The following KCNIP4 variants were observed in gnomAD, a reference collection of about 807,000 sequenced individuals.
KCNIP4 encodes the protein potassium voltage-gated channel interacting protein 4, also known as Kv channel-interacting protein 4.
A neutral mutation model predicts 34.0 loss-of-function variants in KCNIP4; 12 were observed. That is an observed-to-expected ratio of 0.35 (90% CI 0.23 to 0.57). The LOEUF (loss-of-function observed/expected upper bound fraction) is 0.57. KCNIP4 is among the 20% of genes least tolerant of loss of function. The pLI, the probability that KCNIP4 is intolerant of heterozygous loss-of-function variation, is 0.83. For missense variants in KCNIP4, 238 were observed against 311.7 expected (o/e 0.76, Z 1.78); for synonymous variants, 124 against 102.2 (o/e 1.21, Z -1.29).
intron 1 of KCNIP4, among the ~76,000 whole-genome samples, chr4:21,246,134 G>A (rs1456657720): frequency 1.3e-5 from 2 of 152,102 alleles, no homozygotes; most frequent in African/African-American, 2.4e-5. Context: ...CTACAGATGG[G>A]TCACAGTCAC....
chr4:20,881,828 T>C (rs913308516), intron 2 of KCNIP4, among the ~76,000 whole-genome samples: 12 of 152,198 alleles, frequency 7.9e-5, no homozygotes, highest in Admixed American at 7.9e-4. Context: ...TAGATTACCC[T>C]GAATAATGTG....
chr4:20,960,977 A>G (rs1733794569), intron 1 of KCNIP4, among the ~76,000 whole-genome samples: 1 of 152,156 alleles, frequency 6.6e-6, no homozygotes, highest in Non-Finnish European at 1.5e-5. Context: ...TGCATTTTGC[A>G]CTTTGGTGTA....
At chr4:21,796,596 C>T (rs1259995482) in intron 1 of KCNIP4, among the ~76,000 whole-genome samples, 2 of 152,174 alleles carry the variant, frequency 1.3e-5, no homozygotes, top group Admixed American at 6.5e-5. Context: ...TTCTTAAAAG[C>T]GTTCACCTAA....
chr4:21,582,006 AAGAATAGAAT>A (rs1170134097), intron 1 of KCNIP4: 3 of 96,576 alleles, frequency 3.1e-5, no homozygotes, highest in South Asian at 6.5e-4. Flanking sequence ...TAGGGCATAG[AAGAATAGAAT>A]AGAATAGAAT....
Position 21,302,000 on chromosome 4 carries a change from A to G in KCNIP4, c.62-419291T>C, listed in dbSNP as rs28608932. On this transcript the variant is annotated intron_variant, in intron 1 of 8. Coordinates refer to ENST00000382152, the MANE Select transcript of KCNIP4 (RefSeq NM_025221.6). ...ATTTTACTATTTATAATTACTTCCT[A>G]ACAATCACTGGAAATCATATATGAA... Among the ~76,000 whole-genome samples the G allele has an allele frequency of 9.2e-3, 1,408 of 152,242 alleles. 18 individuals are homozygous for G. Among genetic ancestry groups the G allele is most frequent in the African/African-American group, 0.032 (1,321 of 41,532 alleles).
chr4:21,081,539 A>G (rs1371770792), intron 1 of KCNIP4, among the ~76,000 whole-genome samples: 1 of 151,826 alleles, frequency 6.6e-6, no homozygotes, highest in African/African-American at 2.4e-5. Context: ...CTATAGAAGA[A>G]GAAATTATTT....
At chr4:21,451,385 C>A (rs1728495287) in intron 1 of KCNIP4, among the ~76,000 whole-genome samples, 2 of 152,062 alleles carry the variant, frequency 1.3e-5, no homozygotes, top group Non-Finnish European at 2.9e-5. Context: ...TATCCCAATG[C>A]AAGTGAATCC....
At chr4:21,668,941 G>T (rs1180378941) in intron 1 of KCNIP4, among the ~76,000 whole-genome samples, 1 of 151,980 alleles carries the variant, frequency 6.6e-6, no homozygotes, top group Non-Finnish European at 1.5e-5. Flanking sequence ...TGCCTCTCCC[G>T]TCTCTCCTTC....
intron 3 of KCNIP4, among the ~76,000 whole-genome samples, chr4:20,796,650 T>C (rs1385321416): frequency 6.6e-6 from 1 of 151,916 alleles, no homozygotes; most frequent in East Asian, 1.9e-4. Flanking sequence ...AGAATCACTT[T>C]TGTTTTGAAG....
chr4:21,655,305 CA>C, intron 1 of KCNIP4, among the ~76,000 whole-genome samples: 1 of 152,000 alleles, frequency 6.6e-6, no homozygotes, highest in East Asian at 1.9e-4. Flanking sequence ...CAATGCAAGC[CA>C]AAGAACTAAT....
intron 1 of KCNIP4, among the ~76,000 whole-genome samples, chr4:20,942,157 C>T (rs768363938): frequency 9.2e-5 from 14 of 152,186 alleles, no homozygotes; most frequent in African/African-American, 1.7e-4. Context: ...ATAATGGAAA[C>T]GTTTGGCTGG....
At chr4:21,917,822 A>G (rs1468391360) in intron 1 of KCNIP4, among the ~76,000 whole-genome samples, 2 of 152,210 alleles carry the variant, frequency 1.3e-5, no homozygotes, top group Non-Finnish European at 2.9e-5. Context: ...AAGACGAATG[A>G]GTACTGGATT....
chr4:21,181,365 C>T, intron 1 of KCNIP4, among the ~76,000 whole-genome samples: 1 of 152,078 alleles, frequency 6.6e-6, no homozygotes, highest in Non-Finnish European at 1.5e-5. Context: ...GCTGCAGCTT[C>T]TCTTAAGGCT....
At chr4:20,997,634 G>GGCT (rs1331027707) in intron 1 of KCNIP4, among the ~76,000 whole-genome samples, 2 of 152,192 alleles carry the variant, frequency 1.3e-5, no homozygotes, top group African/African-American at 4.8e-5. Flanking sequence ...TACCTGAGAG[G>GGCT]GCTGCCCTTA....
In KCNIP4 at chr4:20,729,942, C is replaced by CTTTATATTAA; in HGVS notation, c.*130_*139dup. On this transcript the variant is annotated 3_prime_UTR_variant, in exon 9 of 9. Transcript: ENST00000382152. ...GAAAGCTCAAATCTTTTGGGGATTG[C>CTTTATATTAA]TTTATATTAAAACAAAGCTTGTTTG... 1 of 984,008 alleles carries CTTTATATTAA rather than the reference C, an allele frequency of 1.0e-6. No homozygotes were observed. The highest frequency in any genetic ancestry group is 1.4e-6 in the Non-Finnish European group (1 of 714,128). 61.0% of individuals were successfully genotyped at this position (984,008 alleles called of 1,614,324 possible).
chr4:21,702,049 C>A (rs1291397885), intron 1 of KCNIP4, among the ~76,000 whole-genome samples: 1 of 152,064 alleles, frequency 6.6e-6, no homozygotes, highest in African/African-American at 2.4e-5. Flanking sequence ...AGAAAACCTA[C>A]AAATGTCAAA....
chr4:21,413,607 CT>C (rs760660892), intron 1 of KCNIP4, among the ~76,000 whole-genome samples: 1 of 152,156 alleles, frequency 6.6e-6, no homozygotes, highest in Non-Finnish European at 1.5e-5. Flanking sequence ...GTTTTATAAT[CT>C]GTTTTTCCAG....
rs1736203151 is a variant in KCNIP4 at position 21,528,675 on chromosome 4, CAAAGAAAGAAAGAAAGAAAGAAA to C, written c.61+419873_61+419895del. Among the ~76,000 whole-genome samples, 77 of 84,254 alleles carry C rather than the reference CAAAGAAAGAAAGAAAGAAAGAAA, an allele frequency of 9.1e-4. 2 individuals carry two copies. Among genetic ancestry groups the C allele is most frequent in the African/African-American group, 3.6e-3 (73 of 20,054 alleles). The allele number at this position is 84,254 out of a possible 152,430, so 55.3% of individuals were successfully genotyped here. On this transcript the variant is annotated intron_variant, in intron 1 of 8. Transcript: ENST00000382152. ...GAGGGAGACTCTGTCTCATAAAAAA[CAAAGAAAGAAAGAAAGAAAGAAA>C]GAAAGAAAGAAAGAAAGAAAGAAAG... is the stretch of plus-strand genomic sequence containing the variant.
intron 1 of KCNIP4, among the ~76,000 whole-genome samples, chr4:21,059,062 TCTTC>T (rs1365439980): frequency 2.0e-5 from 3 of 152,112 alleles, no homozygotes; most frequent in Non-Finnish European, 4.4e-5. Flanking sequence ...GTCCCTTTGC[TCTTC>T]CTTCATCTTC....
Sources: gnomAD v4.1 joint callset for allele counts (sites outside exome capture counted in the v4.1 genomes callset) on GRCh38, gnomAD v4.1.1 for gene constraint, MANE v1.5 for transcripts, NCBI Gene and HGNC (gene_info 2026-07-23, HGNC 2026-07-21) for gene names.